The following GRIK3 variants were observed in gnomAD, a reference collection of about 807,000 sequenced individuals.
GRIK3 encodes the protein glutamate receptor ionotropic, kainate 3.
GRIK3 carries 29 observed loss-of-function variants against 102.5 expected under a neutral mutation model. That is an observed-to-expected ratio of 0.28 (90% CI 0.21 to 0.39). The LOEUF (loss-of-function observed/expected upper bound fraction) is 0.39. Ranked by LOEUF, GRIK3 falls within the 10% of genes least tolerant of loss-of-function variation. The pLI is 1.00. For synonymous variants in GRIK3, 511 were observed against 504.9 expected (o/e 1.01, Z -0.16); for missense variants, 908 against 1,252.4 (o/e 0.73, Z 4.15).
intron 1 of GRIK3, among the ~76,000 whole-genome samples, chr1:36,891,405 A>G (rs1641113946): frequency 6.6e-6 from 1 of 152,234 alleles, no homozygotes; most frequent in African/African-American, 2.4e-5. Context: ...CCAGGATAAC[A>G]TACCATGACC....
At chr1:36,846,827 C>T (rs1640524675) in intron 9 of GRIK3, among the ~76,000 whole-genome samples, 1 of 152,216 alleles carries the variant, frequency 6.6e-6, no homozygotes, top group Admixed American at 6.5e-5. Context: ...GGGCCCTAGG[C>T]CAGTCCTTGC....
chr1:36,926,100 C>T (rs1336717252), intron 1 of GRIK3, among the ~76,000 whole-genome samples: 1 of 152,188 alleles, frequency 6.6e-6, no homozygotes, highest in Admixed American at 6.5e-5. Context: ...CTTATGATCC[C>T]TGAGATCACA....
At chr1:36,821,999 C>T (rs1443875472) in intron 11 of GRIK3, among the ~76,000 whole-genome samples, 1 of 152,224 alleles carries the variant, frequency 6.6e-6, no homozygotes, top group Non-Finnish European at 1.5e-5. Context: ...TGTTACCAAC[C>T]TCTTTTCAGG....
At chr1:36,892,123 G>A (rs1021024690) in intron 1 of GRIK3, among the ~76,000 whole-genome samples, 9 of 152,288 alleles carry the variant, frequency 5.9e-5, no homozygotes, top group African/African-American at 2.2e-4. Context: ...GGTTCAAGCG[G>A]TTCTCCAACC....
At position 36,802,059 on chromosome 1, in the gene GRIK3, G is replaced by A; in HGVS notation, c.2566-14C>T. On this transcript the variant is annotated splice_polypyrimidine_tract_variant and intron_variant, in intron 15 of 15. Transcript: ENST00000373091. ...GCAGAAGGAACGCTGCAGGAGGGTG[G>A]AGGAGAGGGGTCGGAAAAGGGGCAC... 1 of 1,592,648 alleles carries A rather than the reference G, an allele frequency of 6.3e-7. No homozygotes were observed. The highest frequency in any genetic ancestry group is 2.2e-5 in the East Asian group (1 of 44,612).
chr1:36,844,186 G>C (rs796797418), intron 9 of GRIK3, among the ~76,000 whole-genome samples: 7 of 152,328 alleles, frequency 4.6e-5, no homozygotes, highest in African/African-American at 1.7e-4. Flanking sequence ...AACTGGTGGG[G>C]GTGGGGCAGT....
At chr1:36,846,962 T>C (rs973953698) in intron 9 of GRIK3, among the ~76,000 whole-genome samples, 3 of 152,244 alleles carry the variant, frequency 2.0e-5, no homozygotes, top group Admixed American at 2.0e-4. Flanking sequence ...CAGAGGTCAT[T>C]CCCTCCATTC....
chr1:36,916,990 T>C (rs765065716), intron 1 of GRIK3, among the ~76,000 whole-genome samples: 14 of 152,194 alleles, frequency 9.2e-5, no homozygotes, highest in Admixed American at 2.0e-4. Context: ...AGACACTCAA[T>C]GCTGACCCAT....
At chr1:36,830,223 G>A (rs1321931399) in intron 10 of GRIK3, among the ~76,000 whole-genome samples, 6 of 152,236 alleles carry the variant, frequency 3.9e-5, no homozygotes, top group Non-Finnish European at 5.9e-5. Context: ...ATGGGGACAA[G>A]TGGCTTAATC....
rs755366301 is a variant in GRIK3, at chr1:36,872,276, C to T, written c.644G>A (p.Arg215His). Residue 215 changes from arginine (R) to histidine (H), a missense_variant, in exon 4 of 16, where the codon CGC (arginine) becomes CAC (histidine). This residue lies in a region of GRIK3 where 585 missense variants were observed against 824.9 expected (regional missense o/e 0.71). Coordinates refer to ENST00000373091, the MANE Select transcript of GRIK3 (RefSeq NM_000831.4). This position sits in a 1 kb window ranked among gnomAD's most constrained non-coding sequence, Gnocchi z 5.9. ...RQLPIDSDDS[R>H]PLLKEMKRGR... ...TCGCTTCATCTCCTTGAGCAAGGGG[C>T]GCGAGTCGTCAGAGTCGATGGGGAG... 18 of 1,613,076 alleles carry T rather than the reference C, an allele frequency of 1.1e-5. No homozygotes were observed. The highest frequency in any genetic ancestry group is 3.3e-5 in the South Asian group (3 of 90,832).
chr1:36,850,227 G>A lies in GRIK3; in HGVS notation c.1326+84C>T, dbSNP rs1268011653. The A allele has an allele frequency of 2.5e-6, 2 of 810,458 alleles. No homozygotes were observed. Among genetic ancestry groups the A allele is most frequent in the East Asian group, 2.4e-5 (1 of 40,864 alleles). The allele number at this position is 810,458 out of a possible 1,614,324, so 50.2% of individuals were successfully genotyped here. ...CTGCAGCCTCCATCTTCTGGGTGGG[G>A]GGGATAGAGGGGACTCTCCAGCCCG... On this transcript the variant is annotated intron_variant, in intron 9 of 15. Coordinates refer to ENST00000373091, the MANE Select transcript of GRIK3 (RefSeq NM_000831.4). This position sits in a 1 kb window ranked among gnomAD's most constrained non-coding sequence, Gnocchi z 4.0.
intron 1 of GRIK3, among the ~76,000 whole-genome samples, chr1:37,031,448 T>TAGCTCACAC (rs1642827055): frequency 6.6e-6 from 1 of 152,196 alleles, no homozygotes; most frequent in African/African-American, 2.4e-5. Context: ...ATCCATCTCC[T>TAGCTCACAC]TGTCTAAGAG....
At chr1:36,919,156 C>A (rs1290549982) in intron 1 of GRIK3, among the ~76,000 whole-genome samples, 5 of 152,050 alleles carry the variant, frequency 3.3e-5, no homozygotes, top group Non-Finnish European at 7.4e-5. Flanking sequence ...TGGGTAAGGG[C>A]CAGTCCTTGC....
In GRIK3 at chr1:36,804,173, C is replaced by T. The variant is rs552928005; in HGVS notation, c.2565+814G>A. The stretch of plus-strand genomic sequence containing the variant: ...ATAGAGGATTCCATTTCGTTTTTTA[C>T]GGATATGTAAGTTGCTTGTTTATAA... On this transcript the variant is annotated intron_variant, in intron 15 of 15. Transcript: ENST00000373091. Among the ~76,000 whole-genome samples the T allele has an allele frequency of 5.9e-5, 9 of 152,198 alleles. No individual in the cohort carries two copies. The South Asian group carries it at 6.2e-4, about 10-fold the overall frequency.
chr1:36,831,479 C>T (rs931864152), intron 10 of GRIK3, among the ~76,000 whole-genome samples: 1 of 152,190 alleles, frequency 6.6e-6, no homozygotes, highest in Non-Finnish European at 1.5e-5. Context: ...CAGAATTCAC[C>T]TTCTGCTCTT....
chr1:36,903,453 A>T (rs1296261198), intron 1 of GRIK3, among the ~76,000 whole-genome samples: 2 of 152,242 alleles, frequency 1.3e-5, no homozygotes, highest in Non-Finnish European at 2.9e-5. Flanking sequence ...ACGCAAGTGC[A>T]ATGGCACTCC....
chr1:36,932,533 A>C (rs932741244), intron 1 of GRIK3, among the ~76,000 whole-genome samples: 6 of 152,172 alleles, frequency 3.9e-5, no homozygotes, highest in African/African-American at 1.4e-4. Context: ...GAAGTGAAAG[A>C]CCACAGAGGC....
rs553161677 is a variant in GRIK3 at position 36,857,214 on chromosome 1, A to G, written c.1104+1894T>C. On this transcript the variant is annotated intron_variant, in intron 7 of 15. Coordinates refer to ENST00000373091, the MANE Select transcript of GRIK3 (RefSeq NM_000831.4). ...TTCCCGATTGAGCCAGAGGAGCAAT[A>G]GGATCGAGGTGTGGCCTGGGACACC... Among the ~76,000 whole-genome samples the G allele has an allele frequency of 1.4e-3, 216 of 152,252 alleles. 1 individual carries two copies. The highest frequency in any genetic ancestry group is 5.0e-3 in the African/African-American group (208 of 41,564).
chr1:36,910,473 C>A (rs904735398), intron 1 of GRIK3, among the ~76,000 whole-genome samples: 2 of 152,216 alleles, frequency 1.3e-5, no homozygotes, highest in African/African-American at 4.8e-5. Flanking sequence ...CCAGGCTCTG[C>A]TCTCTGCTGC....
Sources: allele counts gnomAD v4.1 joint callset (sites outside exome capture counted in the v4.1 genomes callset), GRCh38; gene constraint gnomAD v4.1.1; regional missense constraint gnomAD v4.1.1; non-coding constraint Gnocchi (gnomAD v3.1); transcripts MANE v1.5; gene names NCBI Gene and HGNC (gene_info 2026-07-23, HGNC 2026-07-21).